Variants in FANCI observed in about 807,000 individuals in gnomAD.
The protein encoded by FANCI is FA complementation group I, also known as Fanconi anemia group I protein.
FANCI carries 156 observed loss-of-function variants against 176.1 expected under a neutral mutation model. The ratio of observed to expected loss-of-function variants is 0.89; its 90% CI spans 0.78 to 1.01. The LOEUF (loss-of-function observed/expected upper bound fraction) is 1.01. Among genes scored for constraint, FANCI ranks in the 50% least tolerant of loss-of-function variants. FANCI has a pLI of 0.00. For missense variants in FANCI, 1,678 were observed against 1,534.1 expected (o/e 1.09, Z -1.57); for synonymous variants, 613 against 541.7 (o/e 1.13, Z -1.83).
At chr15:89,268,561 TTGAA>T (rs772031622) in intron 10 of FANCI, 36 bp downstream of exon 10, 6 of 1,610,162 alleles carry the variant, frequency 3.7e-6, no homozygotes, top group Non-Finnish European at 5.1e-6. Flanking sequence ...TGGGTCTCTT[TTGAA>T]TGAAAGTGTT....
chr15:89,289,401 T>C (rs763426223), intron 18 of FANCI, among the ~76,000 whole-genome samples: 9 of 152,018 alleles, frequency 5.9e-5, no homozygotes, highest in Non-Finnish European at 1.3e-4. Context: ...CCATCCCCAG[T>C]TTAAGCGATT....
chr15:89,309,021 G>C (rs2054845619), intron 34 of FANCI, among the ~76,000 whole-genome samples: 5 of 151,760 alleles, frequency 3.3e-5, no homozygotes, highest in Admixed American at 2.6e-4. Context: ...CTTAGTAATG[G>C]GCTGATAGTT....
At chr15:89,276,620 A>G in intron 12 of FANCI, 91 bp from the exon 13 acceptor site, 2 of 1,414,878 alleles carry the variant, frequency 1.4e-6, no homozygotes, top group Non-Finnish European at 2.0e-6. Context: ...ATCTAGGTCA[A>G]GTTTGGGAAA....
chr15:89,305,751 T>C lies in FANCI; in HGVS notation c.3349+53T>C, dbSNP rs2054694085. 3 of 1,554,086 alleles carry C rather than the reference T, an allele frequency of 1.9e-6. No homozygotes were observed. In the African/African-American group the frequency reaches 4.1e-5, roughly 21 times the overall value. On this transcript the variant is annotated intron_variant, in intron 31 of 37. Transcript: ENST00000310775. ...GAATTGACATGAGCAAGGTCAAAAT[T>C]CATATTGGGTCGGTGCATAAAAATG...
In FANCI at chr15:89,258,733, G is replaced by A. The variant is rs769209297; in HGVS notation, c.114G>A (p.Val38=). The change falls in exon 3 of 38, where the codon GTG becomes GTA. Residue 38 remains valine, a synonymous_variant. Transcript: ENST00000310775. Reference sequence around the variant, plus strand: ...CTAATCTCCTTCAGAATCAAGCAGTGAAAGGAAAAGTTGCTGGAGCACTCC... The same window carrying A: ...CTAATCTCCTTCAGAATCAAGCAGTAAAAGGAAAAGTTGCTGGAGCACTCC... ...DLTNLLQNQA[V]KGKVAGALLR... The A allele has an allele frequency of 1.2e-6, 2 of 1,613,710 alleles. No homozygotes were observed. Among genetic ancestry groups the A allele is most frequent in the Admixed American group, 1.7e-5 (1 of 60,008 alleles).
intron 2 of FANCI, among the ~76,000 whole-genome samples, chr15:89,250,748 G>C (rs1467560534): frequency 6.7e-6 from 1 of 150,350 alleles, no homozygotes; most frequent in East Asian, 1.9e-4. Context: ...AACTCTTGGA[G>C]GAAAAGAGAT....
intron 20 of FANCI, among the ~76,000 whole-genome samples, chr15:89,292,048 G>A (rs1446410510): frequency 1.3e-5 from 2 of 152,226 alleles, no homozygotes; most frequent in Admixed American, 6.5e-5. Flanking sequence ...GAACCTAGGG[G>A]ACCTGCTTCA....
intron 18 of FANCI, among the ~76,000 whole-genome samples, chr15:89,286,832 G>T (rs1409323013): frequency 6.6e-6 from 1 of 152,128 alleles, no homozygotes; most frequent in Non-Finnish European, 1.5e-5. Context: ...GCAAGTCCCA[G>T]ATAAAGTCTT....
At position 89,303,859 on chromosome 15, in the gene FANCI, T is replaced by G; in HGVS notation, c.3007-5T>G. ...TCTTTAATATCTGAATGATCTCTAA[T>G]TTAGTTTGTGCAGATGTTATCCTGG... On this transcript the variant is annotated splice_region_variant and splice_polypyrimidine_tract_variant and intron_variant, in intron 27 of 37. Coordinates refer to ENST00000310775, the MANE Select transcript of FANCI (RefSeq NM_001113378.2). 1 of 1,613,474 alleles carries G rather than the reference T, an allele frequency of 6.2e-7. No homozygotes were observed. Among genetic ancestry groups the G allele is most frequent in the Non-Finnish European group, 8.5e-7 (1 of 1,179,384 alleles).
At chr15:89,298,673 T>A (rs2054406504) in intron 24 of FANCI, among the ~76,000 whole-genome samples, 1 of 152,142 alleles carries the variant, frequency 6.6e-6, no homozygotes, top group African/African-American at 2.4e-5. Context: ...GCTGGTTCTT[T>A]GAGAAGATCA....
intron 2 of FANCI, among the ~76,000 whole-genome samples, chr15:89,251,570 A>G (rs757358122): frequency 3.3e-5 from 5 of 152,226 alleles, no homozygotes; most frequent in Non-Finnish European, 7.3e-5. Context: ...AAAAGAGGAT[A>G]TAGACTAATG....
At chr15:89,298,697 A>C (rs1272442905) in intron 24 of FANCI, among the ~76,000 whole-genome samples, 1 of 152,206 alleles carries the variant, frequency 6.6e-6, no homozygotes, top group African/African-American at 2.4e-5. Context: ...AATTTAATGA[A>C]CTTTAGCCAG....
intron 32 of FANCI, among the ~76,000 whole-genome samples, chr15:89,306,398 A>C (rs886966093): frequency 1.3e-5 from 2 of 151,658 alleles, no homozygotes; most frequent in Non-Finnish European, 1.5e-5. Context: ...TTATAATTCT[A>C]ATCTGCTTTT....
In FANCI at chr15:89,260,574, A is replaced by G. The variant is rs553859052; in HGVS notation, c.158-139A>G. 25 of 1,106,450 alleles carry G rather than the reference A, an allele frequency of 2.3e-5. 1 individual carries two copies. The highest frequency in any genetic ancestry group is 3.0e-4 in the Middle Eastern group (1 of 3,304). 68.5% of individuals were successfully genotyped at this position (1,106,450 alleles called of 1,614,324 possible). On this transcript the variant is annotated intron_variant, in intron 3 of 37. Coordinates refer to ENST00000310775, the MANE Select transcript of FANCI (RefSeq NM_001113378.2). ...AAGCACTTTTTCAAAGCCCTTAACC[A>G]TTGCTGTTCTAAGCACCGTAGTAAT...
intron 2 of FANCI, 39 bp downstream of exon 2, chr15:89,247,770 C>T (rs372986966): frequency 2.9e-5 from 45 of 1,565,028 alleles, no homozygotes; most frequent in Non-Finnish European, 3.9e-5. Flanking sequence ...AAGTAAATGT[C>T]AGGCATGATG....
At chr15:89,259,220 G>T (rs1426693436) in intron 3 of FANCI, 3 of 166,836 alleles carry the variant, frequency 1.8e-5, no homozygotes, top group Non-Finnish European at 2.6e-5. Context: ...ACAAGGGCTA[G>T]TTTAAATTGT....
At chr15:89,260,478 TC>T (rs1370931765) in intron 3 of FANCI, among the ~76,000 whole-genome samples, 3 of 152,240 alleles carry the variant, frequency 2.0e-5, no homozygotes, top group African/African-American at 7.2e-5. Flanking sequence ...GGTTACTTCA[TC>T]CTGTAATTAT....
At position 89,281,797 on chromosome 15, in the gene FANCI, C is replaced by G; in HGVS notation, c.1545C>G (p.Asp515Glu). Reference protein sequence around the residue: ...PLLKVSMSMRDCLILVLRKAM... With the variant: ...PLLKVSMSMRECLILVLRKAM... ...TCAAAGTCAGCATGTCAATGAGAGA[C>G]TGCTTGATACTTGTCCTTCGGAAAG... The change falls in exon 16 of 38, where the codon GAC becomes GAG. Residue 515 changes from aspartate to glutamate, a missense_variant. This residue lies in a region of FANCI where 1,204 missense variants were observed against 1,077.4 expected (regional missense o/e 1.12). Transcript: ENST00000310775. 1 of 1,613,942 alleles carries G rather than the reference C, an allele frequency of 6.2e-7. No homozygotes were observed. Among genetic ancestry groups the G allele is most frequent in the Non-Finnish European group, 8.5e-7 (1 of 1,179,902 alleles).
At chr15:89,246,207 C>T (rs966161169) in intron 1 of FANCI, among the ~76,000 whole-genome samples, 10 of 152,174 alleles carry the variant, frequency 6.6e-5, no homozygotes, top group Non-Finnish European at 1.0e-4. Flanking sequence ...TGAATTCTAT[C>T]TGCTTCATGT....
Sources: allele counts gnomAD v4.1 joint callset (sites outside exome capture counted in the v4.1 genomes callset), GRCh38; gene constraint gnomAD v4.1.1; regional missense constraint gnomAD v4.1.1; transcripts MANE v1.5; gene names NCBI Gene and HGNC (gene_info 2026-07-23, HGNC 2026-07-21).